Variants in PRELID2 observed in about 807,000 individuals in gnomAD.
The protein encoded by PRELID2 is PRELI domain-containing protein 2.
A neutral mutation model predicts 28.4 loss-of-function variants in PRELID2; 25 were observed. The observed-to-expected ratio is 0.88, with a 90% CI of 0.64 to 1.23. The LOEUF is 1.23. Ranked by LOEUF, PRELID2 falls within the 50% of genes most tolerant of loss-of-function variation. The probability of loss-of-function intolerance (pLI) is 0.00; values close to 1 mark genes in which losing one functional copy is unlikely to be tolerated. For missense variants in PRELID2, 201 were observed against 214.4 expected, an observed-to-expected ratio of 0.94 and a Z score of 0.39; for synonymous variants, 76 against 71.6, an observed-to-expected ratio of 1.06 and a Z score of -0.31.
At chr5:145,354,243 G>A in the PRELID2 span, among the ~76,000 whole-genome samples, 1 of 151,672 alleles carries the variant, frequency 6.6e-6, no homozygotes, top group Non-Finnish European at 1.5e-5. Flanking sequence ...GCAGAAACAG[G>A]CCTCTTAACC....
the PRELID2 span, among the ~76,000 whole-genome samples, chr5:145,415,925 C>A: frequency 6.6e-6 from 1 of 152,208 alleles, no homozygotes; most frequent in African/African-American, 2.4e-5. Context: ...TATTTCTCCA[C>A]TTCCTCTCCA....
At chr5:145,561,037 T>C (rs943366631) in intron 1 of PRELID2, among the ~76,000 whole-genome samples, 13 of 152,098 alleles carry the variant, frequency 8.5e-5, no homozygotes, top group African/African-American at 3.1e-4. Flanking sequence ...AAAATGTTCT[T>C]GAAGACACTA....
chr5:145,409,311 G>A, the PRELID2 span, among the ~76,000 whole-genome samples: 1 of 151,614 alleles, frequency 6.6e-6, no homozygotes, highest in Non-Finnish European at 1.5e-5. Context: ...TAACACAATG[G>A]GAAAAAAACA....
intron 5 of PRELID2, among the ~76,000 whole-genome samples, chr5:145,780,107 GT>G (rs1758693656): frequency 6.6e-6 from 1 of 152,176 alleles, no homozygotes; most frequent in East Asian, 1.9e-4. Flanking sequence ...GAGGTCAGGA[GT>G]TCAAGACCAG....
chr5:145,283,929 G>T, the PRELID2 span, among the ~76,000 whole-genome samples: 7 of 152,114 alleles, frequency 4.6e-5, 1 homozygote, highest in African/African-American at 1.7e-4. Context: ...TTTGGTGGGG[G>T]GAAGGTGGTG....
intron 1 of PRELID2, among the ~76,000 whole-genome samples, chr5:145,593,557 C>A (rs10046079): frequency 6.6e-6 from 1 of 151,876 alleles, no homozygotes; most frequent in Non-Finnish European, 1.5e-5. Context: ...ACTTTTGAAT[C>A]CTAAGGAATC....
At chr5:145,404,145 A>G in the PRELID2 span, among the ~76,000 whole-genome samples, 1 of 152,212 alleles carries the variant, frequency 6.6e-6, no homozygotes, top group Non-Finnish European at 1.5e-5. Context: ...CATTCTCTGT[A>G]CCATCCTTCA....
At chr5:145,268,302 C>T in the PRELID2 span, among the ~76,000 whole-genome samples, 1 of 151,578 alleles carries the variant, frequency 6.6e-6, no homozygotes, top group Non-Finnish European at 1.5e-5. Context: ...AATCTATTTG[C>T]TTTTATTTTT....
At chr5:145,761,512 A>G (rs1757474536) in intron 6 of PRELID2, among the ~76,000 whole-genome samples, 1 of 152,212 alleles carries the variant, frequency 6.6e-6, no homozygotes, top group Non-Finnish European at 1.5e-5. Context: ...TAGGGGTAAG[A>G]CGTGATCAAA....
chr5:145,575,473 T>C (rs950018979), intron 1 of PRELID2, among the ~76,000 whole-genome samples: 9 of 152,182 alleles, frequency 5.9e-5, no homozygotes, highest in African/African-American at 2.2e-4. Flanking sequence ...GTCCATCCAC[T>C]GATTCTTCAA....
intron 1 of PRELID2, among the ~76,000 whole-genome samples, chr5:145,726,191 G>C (rs1198970202): frequency 8.1e-6 from 1 of 123,080 alleles, no homozygotes; most frequent in Non-Finnish European, 1.6e-5. Context: ...AAGAGCAAAA[G>C]AGAAAGAAAG....
chr5:145,630,660 G>A (rs970825743), intron 1 of PRELID2, among the ~76,000 whole-genome samples: 1 of 152,152 alleles, frequency 6.6e-6, no homozygotes, highest in African/African-American at 2.4e-5. Context: ...TAAAAGATTT[G>A]GATGAGTGAA....
intron 1 of PRELID2, among the ~76,000 whole-genome samples, chr5:145,707,344 A>G (rs1561551630): frequency 6.6e-6 from 1 of 152,216 alleles, no homozygotes; most frequent in Non-Finnish European, 1.5e-5. Flanking sequence ...CAAGTGGCCA[A>G]CCTGCAAAAG....
chr5:145,401,846 CACAG>C, the PRELID2 span, among the ~76,000 whole-genome samples: 5 of 152,164 alleles, frequency 3.3e-5, no homozygotes, highest in Non-Finnish European at 5.9e-5. Context: ...CTATTATTCT[CACAG>C]ACAGAGGAGG....
the PRELID2 span, among the ~76,000 whole-genome samples, chr5:145,426,045 G>C: frequency 6.6e-6 from 1 of 151,986 alleles, no homozygotes; most frequent in Non-Finnish European, 1.5e-5. Context: ...TGAATTAAAC[G>C]TGGTGATTGT....
At chr5:145,336,634 T>C in the PRELID2 span, among the ~76,000 whole-genome samples, 2 of 152,112 alleles carry the variant, frequency 1.3e-5, no homozygotes, top group African/African-American at 2.4e-5. Flanking sequence ...TTGATCTATG[T>C]CTCTGTTGCT....
At chr5:145,491,394 G>C (rs1277971232) in intron 1 of PRELID2, among the ~76,000 whole-genome samples, 2 of 152,008 alleles carry the variant, frequency 1.3e-5, no homozygotes, top group African/African-American at 2.4e-5. Context: ...CTTCTGAAAG[G>C]CTCTGCCCCT....
chr5:145,785,381 T>G (rs183246832), intron 5 of PRELID2, among the ~76,000 whole-genome samples: 2 of 152,354 alleles, frequency 1.3e-5, no homozygotes, highest in East Asian at 3.9e-4. Flanking sequence ...CACAGCATAC[T>G]ATGCTTTTAG....
rs572303472 is a variant in PRELID2 at position 145,536,682 on chromosome 5, A to T, written n.71-63367T>A. On this transcript the variant is annotated intron_variant and non_coding_transcript_variant, in intron 1 of 2. Coordinates refer to the PRELID2 transcript ENST00000510259. Reference sequence around the variant, plus strand: ...TACTTCCATGTAGTTCAAGGCAGTTAACTTAGTCCTGGCCCCTTAGAGGCT... The same window carrying T: ...TACTTCCATGTAGTTCAAGGCAGTTTACTTAGTCCTGGCCCCTTAGAGGCT... 1.6e-4 allele frequency among the ~76,000 whole-genome samples: 25 copies of T among 152,062 alleles called. 4 individuals carry two copies. In the Middle Eastern group the frequency reaches 0.044, roughly 269 times the overall value.
Sources: allele counts gnomAD v4.1 joint callset (sites outside exome capture counted in the v4.1 genomes callset), GRCh38; gene constraint gnomAD v4.1.1; transcripts MANE v1.5; gene names NCBI Gene and HGNC (gene_info 2026-07-23, HGNC 2026-07-21).